TIAM1: variants seen among roughly 807,000 people sequenced by gnomAD.
TIAM1 encodes the protein TIAM Rac1 associated GEF 1, also known as rho guanine nucleotide exchange factor TIAM1.
Under a neutral mutation model 163.5 loss-of-function variants are expected in TIAM1, and 65 were observed. The ratio of observed to expected loss-of-function variants is 0.40; its 90% CI spans 0.33 to 0.49. The LOEUF (loss-of-function observed/expected upper bound fraction) is 0.49. Among genes scored for constraint, TIAM1 ranks in the 20% least tolerant of loss-of-function variants. The probability of loss-of-function intolerance (pLI) is 0.77; values close to 1 mark genes in which losing one functional copy is unlikely to be tolerated. For synonymous variants in TIAM1, 833 were observed against 810.1 expected (o/e 1.03, Z -0.48); for missense variants, 1,789 against 2,044.7 (o/e 0.87, Z 2.41).
chr21:31,370,003 G>T (rs539692377), intron 2 of TIAM1, among the ~76,000 whole-genome samples: 3 of 152,094 alleles, frequency 2.0e-5, no homozygotes, highest in Admixed American at 6.5e-5. Context: ...TATAAAGGGG[G>T]CCTAAGAGAG....
Position 31,266,174 on chromosome 21 carries a change from G to T in TIAM1, c.799C>A (p.Leu267Ile), listed in dbSNP as rs772589406. 4 of 1,614,184 alleles carry T rather than the reference G, an allele frequency of 2.5e-6. No individual in the cohort carries two copies. In the South Asian group the frequency reaches 4.4e-5, roughly 18 times the overall value. ...CRNLVSDIPN[L>I]ANHKMPPAAA... ...GCTGGTGGCATCTTATGGTTTGCAA[G>T]ATTGGGAATATCAGACACCAAATTC... The change falls in exon 4 of 28, where the codon CTT becomes ATT. Residue 267 changes from leucine to isoleucine, a missense_variant. Transcript: ENST00000541036.
In TIAM1 at chr21:31,266,852, G is replaced by A. The variant is rs200486052; in HGVS notation, c.121C>T (p.His41Tyr). 1.2e-6 allele frequency: 2 copies of A among 1,614,052 alleles called. No individual in the cohort carries two copies. The highest frequency in any genetic ancestry group is 1.7e-6 in the Non-Finnish European group (2 of 1,180,056). The change falls in exon 4 of 28, where the codon CAC (histidine) becomes TAC (tyrosine). Residue 41 changes from histidine (H) to tyrosine (Y), a missense_variant. By Grantham distance (83) the His-to-Tyr change is moderately conservative. This residue lies in a region of TIAM1 where 555 missense variants were observed against 564.9 expected (regional missense o/e 0.98). Transcript: ENST00000541036. Reference sequence around the variant, plus strand: ...TGGATCACCTTCCCCGAGGAAGCGTGCCTGGTCCTCCGCGTCTTGTGCGAG... The same window carrying A: ...TGGATCACCTTCCCCGAGGAAGCGTACCTGGTCCTCCGCGTCTTGTGCGAG... Reference protein sequence around the residue: ...RLSHKTRRTRHASSGKVIHRN... With the variant: ...RLSHKTRRTRYASSGKVIHRN...
chr21:31,321,705 G>T (rs934129919), intron 2 of TIAM1, among the ~76,000 whole-genome samples: 1 of 151,078 alleles, frequency 6.6e-6, no homozygotes, highest in Admixed American at 6.6e-5. Flanking sequence ...AGTAAAAATT[G>T]CTCCTTATAA....
chr21:31,382,397 G>A (rs1435880578), intron 2 of TIAM1, among the ~76,000 whole-genome samples: 1 of 152,186 alleles, frequency 6.6e-6, no homozygotes, highest in African/African-American at 2.4e-5. Context: ...TGTGTATTTT[G>A]ACCAAGGTAC....
chr21:31,472,584 G>A (rs1463185635), intron 1 of TIAM1, among the ~76,000 whole-genome samples: 1 of 152,148 alleles, frequency 6.6e-6, no homozygotes, highest in Non-Finnish European at 1.5e-5. Context: ...ATAGATGCTG[G>A]CTGTCACATG....
intron 1 of TIAM1, among the ~76,000 whole-genome samples, chr21:31,497,261 T>A (rs1380949835): frequency 6.6e-6 from 1 of 152,262 alleles, no homozygotes; most frequent in Non-Finnish European, 1.5e-5. Context: ...ATCCCAAGCG[T>A]TAAGCAACGC....
chr21:31,347,522 A>G (rs1315497739), upstream of TIAM1, among the ~76,000 whole-genome samples: 2 of 152,220 alleles, frequency 1.3e-5, no homozygotes, highest in Non-Finnish European at 2.9e-5. Context: ...AGTCATGCGA[A>G]TTTCGGAAAA....
At chr21:31,219,754 A>AAAAC (rs1569050622) in intron 8 of TIAM1, among the ~76,000 whole-genome samples, 3,221 of 139,990 alleles carry the variant, frequency 0.023, 130 homozygotes, top group African/African-American at 0.1. Context: ...CAAAACAAAA[A>AAAAC]AAAACCCCAG....
At chr21:31,228,246 A>AATAATCTGATAAGGATTTTTCCTTT (rs2088165176) in intron 6 of TIAM1, among the ~76,000 whole-genome samples, 1 of 137,174 alleles carries the variant, frequency 7.3e-6, no homozygotes, top group African/African-American at 2.8e-5. Flanking sequence ...AAAAAAAAAA[A>AATAATCTGATAAGGATTTTTCCTTT]AAAAAAAAAA....
intron 1 of TIAM1, among the ~76,000 whole-genome samples, chr21:31,485,694 T>C (rs1246162249): frequency 1.3e-5 from 2 of 152,078 alleles, no homozygotes; most frequent in Non-Finnish European, 2.9e-5. Context: ...GTACGGCTTG[T>C]GTCCCAGGGA....
chr21:31,385,445 G>C (rs536470903), intron 2 of TIAM1, among the ~76,000 whole-genome samples: 10 of 152,228 alleles, frequency 6.6e-5, no homozygotes, highest in Non-Finnish European at 1.2e-4. Flanking sequence ...GTGGGGTCAA[G>C]GGTCCCAAGG....
chr21:31,137,891 A>T (rs1191782667), intron 22 of TIAM1, among the ~76,000 whole-genome samples: 1 of 149,948 alleles, frequency 6.7e-6, no homozygotes, highest in Non-Finnish European at 1.5e-5. Flanking sequence ...TACGAGATAA[A>T]TATCTGTTGT....
chr21:31,453,526 T>C (rs186259710), intron 2 of TIAM1, among the ~76,000 whole-genome samples: 30 of 151,900 alleles, frequency 2.0e-4, no homozygotes, highest in African/African-American at 7.0e-4. Flanking sequence ...AAACTCCATG[T>C]CTACAAAAAT....
chr21:31,367,997 A>C (rs1238799759), intron 2 of TIAM1, among the ~76,000 whole-genome samples: 1 of 152,090 alleles, frequency 6.6e-6, no homozygotes, highest in Non-Finnish European at 1.5e-5. Context: ...AAAAATAGCC[A>C]CTCTAGAATA....
chr21:31,342,460 G>T (rs548025923), intron 1 of TIAM1, among the ~76,000 whole-genome samples: 6 of 152,288 alleles, frequency 3.9e-5, no homozygotes, highest in Non-Finnish European at 7.4e-5. Flanking sequence ...CCTCATGATG[G>T]TATCTTCCAA....
chr21:31,548,495 T>G (rs1288740536), intron 1 of TIAM1, among the ~76,000 whole-genome samples: 4 of 149,118 alleles, frequency 2.7e-5, no homozygotes, highest in Admixed American at 6.7e-5. Context: ...TTGTTGTTTT[T>G]TTTTTTTTTT....
chr21:31,442,968 T>C (rs903724505), intron 2 of TIAM1, among the ~76,000 whole-genome samples: 2 of 152,226 alleles, frequency 1.3e-5, no homozygotes, highest in Admixed American at 6.5e-5. Flanking sequence ...AGTGTTTCAA[T>C]GAACTAGTGT....
At chr21:31,152,343 AT>A (rs1282726886) in intron 19 of TIAM1, among the ~76,000 whole-genome samples, 10 of 152,176 alleles carry the variant, frequency 6.6e-5, no homozygotes, top group African/African-American at 2.4e-4. Flanking sequence ...AGGAGTGCCT[AT>A]TCTAATTCAC....
At position 31,258,460 on chromosome 21, in the gene TIAM1, A is replaced by G. The variant is rs559963168; in HGVS notation, c.964-6271T>C. On this transcript the variant is annotated intron_variant, in intron 4 of 27. Coordinates refer to ENST00000541036, the MANE Select transcript of TIAM1 (RefSeq NM_001353694.2). ...TATAGGCTTTAAGCAGCCTAGTTGG[A>G]TTATGTCTTGTGTGGATGCAATCGG... Among the ~76,000 whole-genome samples the G allele has an allele frequency of 5.9e-5, 9 of 152,292 alleles. No homozygotes were observed. In the East Asian group the frequency reaches 1.7e-3, roughly 29 times the overall value.
Sources: gnomAD v4.1 joint callset for allele counts (sites outside exome capture counted in the v4.1 genomes callset) on GRCh38, gnomAD v4.1.1 for gene constraint, gnomAD v4.1.1 regional missense constraint, MANE v1.5 for transcripts, NCBI Gene and HGNC (gene_info 2026-07-23, HGNC 2026-07-21) for gene names.